Variants in SGCD observed in about 807,000 individuals in gnomAD.
The protein encoded by SGCD is delta-sarcoglycan.
SGCD carries 18 observed loss-of-function variants against 36.6 expected under a neutral mutation model. The observed-to-expected ratio is 0.49, with a 90% confidence interval of 0.34 to 0.73. The LOEUF is 0.73. Ranked by LOEUF, SGCD falls within the 30% of genes least tolerant of loss-of-function variation. SGCD has a pLI of 0.01. For synonymous variants in SGCD, 133 were observed against 130.6 expected, an observed-to-expected ratio of 1.02 and a Z score of -0.12; for missense variants, 387 against 346.7, an observed-to-expected ratio of 1.12 and a Z score of -0.92.
upstream of SGCD, among the ~76,000 whole-genome samples, chr5:155,866,591 C>G (rs184284333): frequency 9.8e-5 from 15 of 152,290 alleles, no homozygotes; most frequent in Admixed American, 9.2e-4. Context: ...ATTACTATGG[C>G]TCTGTAATGA....
intron 4 of SGCD, among the ~76,000 whole-genome samples, chr5:156,572,023 T>C (rs187890247): frequency 1.3e-5 from 2 of 152,368 alleles, no homozygotes; most frequent in East Asian, 3.9e-4. Context: ...TTGTGTATAG[T>C]TCCTTTGACT....
chr5:156,238,940 T>C (rs1233294304), intron 3 of SGCD, among the ~76,000 whole-genome samples: 3 of 152,204 alleles, frequency 2.0e-5, no homozygotes, highest in Non-Finnish European at 4.4e-5. Context: ...TATTGGGGTT[T>C]GGCCTGTCCA....
intron 1 of SGCD, among the ~76,000 whole-genome samples, chr5:155,989,865 C>A (rs1226102921): frequency 6.6e-6 from 1 of 152,148 alleles, no homozygotes; most frequent in African/African-American, 2.4e-5. Context: ...ACTAAAATGC[C>A]CTTGCATATT....
intron 1 of SGCD, among the ~76,000 whole-genome samples, chr5:156,090,843 A>T (rs1333390826): frequency 2.0e-5 from 3 of 152,214 alleles, no homozygotes; most frequent in Admixed American, 2.0e-4. Flanking sequence ...AAAAGAATTC[A>T]GTGATATTTC....
intron 3 of SGCD, among the ~76,000 whole-genome samples, chr5:156,239,189 C>T (rs1019277040): frequency 2.0e-5 from 3 of 152,044 alleles, no homozygotes; most frequent in African/African-American, 7.2e-5. Context: ...CACTTGAGGT[C>T]ACAAGTTCAA....
At chr5:156,541,774 T>C (rs1758356475) in intron 4 of SGCD, among the ~76,000 whole-genome samples, 1 of 152,164 alleles carries the variant, frequency 6.6e-6, no homozygotes, top group Non-Finnish European at 1.5e-5. Flanking sequence ...AATCATGACT[T>C]GCACATTTTA....
intron 4 of SGCD, among the ~76,000 whole-genome samples, chr5:156,587,694 T>G (rs1279955487): frequency 6.6e-6 from 1 of 151,962 alleles, no homozygotes; most frequent in Non-Finnish European, 1.5e-5. Context: ...ATGACTTTCT[T>G]TTTTCATTTC....
chr5:156,092,126 G>A (rs1336697285), intron 1 of SGCD, among the ~76,000 whole-genome samples: 1 of 152,214 alleles, frequency 6.6e-6, no homozygotes, highest in African/African-American at 2.4e-5. Context: ...GGAGTTCTGA[G>A]TATAGTTCCT....
intron 1 of SGCD, among the ~76,000 whole-genome samples, chr5:156,014,295 T>C (rs1758919407): frequency 6.6e-6 from 1 of 152,120 alleles, no homozygotes; most frequent in East Asian, 1.9e-4. Context: ...TAGACCCCTC[T>C]CCTTTTTAAA....
chr5:155,766,466 A>G, the SGCD span, among the ~76,000 whole-genome samples: 6 of 152,264 alleles, frequency 3.9e-5, no homozygotes, highest in East Asian at 1.2e-3. Context: ...AGCTATGGTA[A>G]TTCCTCAATC....
chr5:156,010,775 C>T (rs73810392), intron 1 of SGCD, among the ~76,000 whole-genome samples: 12,825 of 152,218 alleles, frequency 0.084, 1,761 homozygotes, highest in African/African-American at 0.28. Context: ...CTTATCCAAG[C>T]AACTTACTAG....
At chr5:156,020,204 A>T (rs375733738) in intron 1 of SGCD, among the ~76,000 whole-genome samples, 1 of 152,342 alleles carries the variant, frequency 6.6e-6, no homozygotes, top group East Asian at 1.9e-4. Flanking sequence ...CTTTCCACTT[A>T]ATGATATGTC....
At chr5:156,640,096 G>T (rs1235483374) in intron 6 of SGCD, among the ~76,000 whole-genome samples, 2 of 151,954 alleles carry the variant, frequency 1.3e-5, no homozygotes, top group East Asian at 3.9e-4. Flanking sequence ...TCAGCTTCTT[G>T]TACTACTTCA....
At chr5:155,816,395 T>C in the SGCD span, among the ~76,000 whole-genome samples, 2 of 152,092 alleles carry the variant, frequency 1.3e-5, no homozygotes, top group African/African-American at 4.8e-5. Context: ...ATTAGGAAAA[T>C]CATAAGGAAA....
chr5:156,317,965 C>T (rs1767562338), intron 3 of SGCD, among the ~76,000 whole-genome samples: 1 of 152,112 alleles, frequency 6.6e-6, no homozygotes, highest in South Asian at 2.1e-4. Context: ...ATTCTATATG[C>T]TATGTCTGGG....
intron 4 of SGCD, among the ~76,000 whole-genome samples, chr5:156,563,475 C>G (rs1444174707): frequency 6.6e-6 from 1 of 152,230 alleles, no homozygotes; most frequent in African/African-American, 2.4e-5. Flanking sequence ...GACGCTGGAG[C>G]TTTTCTGCGA....
chr5:156,631,920 C>G (rs561403040), intron 6 of SGCD, among the ~76,000 whole-genome samples: 5 of 152,252 alleles, frequency 3.3e-5, no homozygotes, highest in African/African-American at 1.2e-4. Context: ...AGCCTCTACC[C>G]TGTGAGAAAA....
intron 7 of SGCD, among the ~76,000 whole-genome samples, chr5:156,653,817 T>G (rs961295996): frequency 1.1e-4 from 17 of 152,092 alleles, no homozygotes; most frequent in Non-Finnish European, 2.4e-4. Context: ...ACTGGGCCAG[T>G]CTTACTTGGC....
At chr5:156,409,195 C>T (rs1207308280) in intron 3 of SGCD, among the ~76,000 whole-genome samples, 1 of 152,072 alleles carries the variant, frequency 6.6e-6, no homozygotes, top group Admixed American at 6.6e-5. Context: ...GTGCCCTCAC[C>T]ACCCATTAAT....
Sources: gnomAD v4.1 joint callset for allele counts (sites outside exome capture counted in the v4.1 genomes callset) on GRCh38, gnomAD v4.1.1 for gene constraint, MANE v1.5 for transcripts, NCBI Gene and HGNC (gene_info 2026-07-23, HGNC 2026-07-21) for gene names.